Variants in ANP32A observed in about 807,000 individuals in gnomAD.
ANP32A encodes the protein acidic leucine-rich nuclear phosphoprotein 32 family member A.
A neutral mutation model predicts 33.9 loss-of-function variants in ANP32A; 1 was observed. The observed-to-expected ratio is 0.03, with a 90% CI of 0.01 to 0.14. The LOEUF (loss-of-function observed/expected upper bound fraction) is 0.14. ANP32A is among the 10% of genes least tolerant of loss of function. The pLI, the probability that ANP32A is intolerant of heterozygous loss-of-function variation, is 1.00. For missense variants in ANP32A, 155 were observed against 306.0 expected (o/e 0.51, Z 3.68); for synonymous variants, 115 against 120.5 (o/e 0.95, Z 0.30).
At chr15:68,809,139 G>A (rs1894279388) in intron 1 of ANP32A, among the ~76,000 whole-genome samples, 1 of 152,172 alleles carries the variant, frequency 6.6e-6, no homozygotes. Context: ...GGGGACTTTG[G>A]TGGATCTGTC....
In ANP32A at chr15:68,787,764, A is replaced by G. The variant is rs745782264; in HGVS notation, c.204+6T>C. 1.4e-5 allele frequency: 22 copies of G among 1,613,084 alleles called. No individual in the cohort carries two copies. The African/African-American group carries it at 1.6e-4, about 12-fold the overall frequency. On this transcript the variant is annotated splice_donor_region_variant and intron_variant, in intron 2 of 6. Transcript: ENST00000465139. ...TCCCAGCACACACAGACTCCACTCTATTTACCTTCTTAAGTTTGTTTAACT... is the reference window on the plus strand; with the variant it reads ...TCCCAGCACACACAGACTCCACTCTGTTTACCTTCTTAAGTTTGTTTAACT...
rs1244434886 is a variant in ANP32A at position 68,820,865 on chromosome 15, T to C, written c.-114A>G. 2 of 1,281,346 alleles carry C rather than the reference T, an allele frequency of 1.6e-6. No individual in the cohort carries two copies. The highest frequency in any genetic ancestry group is 3.8e-5 in the Admixed American group (2 of 52,950). The allele number at this position is 1,281,346 out of a possible 1,614,324, so 79.4% of individuals were successfully genotyped here. A position where few individuals can be genotyped will look rare whatever the true frequency, so the allele number is the denominator to read the frequency against. On this transcript the variant is annotated 5_prime_UTR_variant, in exon 1 of 7. Transcript: ENST00000465139. ...GAAGGCTCAACCAGCTCCGCTCGGTTCTCGAGCCCCCAGCACCCGCGGCGC... is the reference window on the plus strand; with the variant it reads ...GAAGGCTCAACCAGCTCCGCTCGGTCCTCGAGCCCCCAGCACCCGCGGCGC...
intron 1 of ANP32A, among the ~76,000 whole-genome samples, chr15:68,804,456 G>A (rs1180278135): frequency 6.6e-6 from 1 of 152,178 alleles, no homozygotes. Flanking sequence ...TGGCACATTG[G>A]CATGAACAAA....
At chr15:68,819,371 G>A (rs1894438871) in intron 1 of ANP32A, among the ~76,000 whole-genome samples, 1 of 152,236 alleles carries the variant, frequency 6.6e-6, no homozygotes, top group Non-Finnish European at 1.5e-5. Flanking sequence ...CAGCGTTCGA[G>A]TCACCCACCC....
chr15:68,796,890 T>C (rs1894070638), intron 1 of ANP32A, among the ~76,000 whole-genome samples: 4 of 152,130 alleles, frequency 2.6e-5, no homozygotes, highest in Non-Finnish European at 5.9e-5. Context: ...ACATACACTT[T>C]GAGCCTGAGT....
Position 68,780,065 on chromosome 15 carries a change from A to G in ANP32A, c.*16T>C, listed in dbSNP as rs757657459. On this transcript the variant is annotated 3_prime_UTR_variant, in exon 7 of 7. Transcript: ENST00000465139. This position sits in a 1 kb window ranked among gnomAD's most constrained non-coding sequence, Gnocchi z 4.3. ...GTCAAATCACAATAGGAATTTTTCA[A>G]AATAGGTTATTCCACTTAGTCATCA... is the stretch of plus-strand genomic sequence containing the variant. 6.2e-6 allele frequency: 10 copies of G among 1,613,000 alleles called. No homozygotes were observed. The highest frequency in any genetic ancestry group is 8.5e-6 in the Non-Finnish European group (10 of 1,179,294).
Position 68,784,388 on chromosome 15 carries a change from G to C in ANP32A, c.526+9C>G. The C allele has an allele frequency of 6.2e-7, 1 of 1,613,296 alleles. No individual in the cohort carries two copies. The highest frequency in any genetic ancestry group is 1.1e-5 in the South Asian group (1 of 90,942). ...CCCCTGCAGCCCTGGGCCGCACCCT[G>C]TCACCCACCATCCTCATCCTCCTCC... On this transcript the variant is annotated intron_variant, in intron 4 of 6. Coordinates refer to ENST00000465139, the MANE Select transcript of ANP32A (RefSeq NM_006305.4).
intron 1 of ANP32A, among the ~76,000 whole-genome samples, chr15:68,807,427 C>CCGG (rs1555424018): frequency 2.6e-5 from 3 of 115,494 alleles, no homozygotes; most frequent in Admixed American, 8.5e-5. Flanking sequence ...CCACAGAAAA[C>CCGG]GGGGGGGGGG....
At chr15:68,796,841 G>C (rs1469313508) in intron 1 of ANP32A, among the ~76,000 whole-genome samples, 1 of 152,146 alleles carries the variant, frequency 6.6e-6, no homozygotes, top group Non-Finnish European at 1.5e-5. Flanking sequence ...GAGCCTGAGT[G>C]CAGAAATAAG....
chr15:68,818,025 C>A (rs1462457212), intron 1 of ANP32A, among the ~76,000 whole-genome samples: 1 of 152,142 alleles, frequency 6.6e-6, no homozygotes, highest in Admixed American at 6.5e-5. Flanking sequence ...CCCGAGTGGG[C>A]CTAGCCGTTA....
At chr15:68,805,656 T>C (rs1254058562) in intron 1 of ANP32A, among the ~76,000 whole-genome samples, 1 of 152,188 alleles carries the variant, frequency 6.6e-6, no homozygotes, top group Non-Finnish European at 1.5e-5. Flanking sequence ...GCTTGTTTAT[T>C]GGGAAGAGGA....
At chr15:68,813,781 CA>C (rs1894342503) in intron 1 of ANP32A, among the ~76,000 whole-genome samples, 1 of 152,086 alleles carries the variant, frequency 6.6e-6, no homozygotes, top group South Asian at 2.1e-4. Flanking sequence ...CAATCACCAA[CA>C]AGCTCCCGGC....
At chr15:68,799,014 A>G (rs1338963213) in intron 1 of ANP32A, among the ~76,000 whole-genome samples, 1 of 152,244 alleles carries the variant, frequency 6.6e-6, no homozygotes, top group Non-Finnish European at 1.5e-5. Flanking sequence ...CAAGGCCACA[A>G]AACAAATTAG....
At chr15:68,811,631 T>C (rs919387456) in intron 1 of ANP32A, among the ~76,000 whole-genome samples, 4 of 152,208 alleles carry the variant, frequency 2.6e-5, no homozygotes, top group African/African-American at 4.8e-5. Context: ...AGTGAATTCC[T>C]AGTGGGAAAA....
At chr15:68,811,308 G>C (rs1894309047) in intron 1 of ANP32A, among the ~76,000 whole-genome samples, 1 of 152,108 alleles carries the variant, frequency 6.6e-6, no homozygotes, top group Non-Finnish European at 1.5e-5. Flanking sequence ...TTTAAGATGG[G>C]AGAAGCATCC....
chr15:68,787,278 C>T (rs1893944483), intron 3 of ANP32A, 135 bp downstream of exon 3: 4 of 1,281,590 alleles, frequency 3.1e-6, no homozygotes, highest in Admixed American at 4.1e-5. Flanking sequence ...AACAATAGCT[C>T]AATTCTATCT....
chr15:68,820,492 C>T (rs545485889), intron 1 of ANP32A, among the ~76,000 whole-genome samples: 1 of 152,148 alleles, frequency 6.6e-6, no homozygotes, highest in African/African-American at 2.4e-5. Context: ...TAGTCACACA[C>T]CAAGGGCAGC....
At chr15:68,794,348 T>A (rs1430655672) in intron 1 of ANP32A, among the ~76,000 whole-genome samples, 1 of 152,198 alleles carries the variant, frequency 6.6e-6, no homozygotes, top group African/African-American at 2.4e-5. Flanking sequence ...CCCTTTGGAT[T>A]TTTACATCCA....
At position 68,780,264 on chromosome 15, in the gene ANP32A, C is replaced by A; in HGVS notation, c.689-122G>T. On this transcript the variant is annotated intron_variant, in intron 6 of 6. Transcript: ENST00000465139. The surrounding 1 kb of genome is among the most constrained non-coding windows in gnomAD (Gnocchi z 4.3). Reference sequence around the variant, plus strand: ...GCTGTGCCATCCTTGGAAACCGAGGCAAGACATCTGCACAGCTGGAAGGGG... The same window carrying A: ...GCTGTGCCATCCTTGGAAACCGAGGAAAGACATCTGCACAGCTGGAAGGGG... 3 of 1,560,696 alleles carry A rather than the reference C, an allele frequency of 1.9e-6. No individual in the cohort carries two copies. The highest frequency in any genetic ancestry group is 2.6e-6 in the Non-Finnish European group (3 of 1,151,690).
Sources: gnomAD v4.1 joint callset for allele counts (sites outside exome capture counted in the v4.1 genomes callset) on GRCh38, gnomAD v4.1.1 for gene constraint, Gnocchi (gnomAD v3.1) non-coding constraint, MANE v1.5 for transcripts, NCBI Gene and HGNC (gene_info 2026-07-23, HGNC 2026-07-21) for gene names.